The following PID1 variants were observed in gnomAD, a reference collection of about 807,000 sequenced individuals.
PID1 encodes the protein PTB-containing, cubilin and LRP1-interacting protein.
Under a neutral mutation model 19.1 loss-of-function variants are expected in PID1, and 10 were observed. That is an observed-to-expected ratio of 0.52 (90% CI 0.32 to 0.89). PID1 has a LOEUF of 0.89. Ranked by LOEUF, PID1 falls within the 40% of genes least tolerant of loss-of-function variation. The pLI is 0.03. For missense variants in PID1, 248 were observed against 285.3 expected (o/e 0.87, Z 0.94); for synonymous variants, 130 against 116.0 (o/e 1.12, Z -0.78).
At chr2:229,270,565 A>T (rs545448613) in intron 1 of PID1, among the ~76,000 whole-genome samples, 32 of 151,302 alleles carry the variant, frequency 2.1e-4, no homozygotes, top group Non-Finnish European at 4.1e-4. Flanking sequence ...ACCAAGCCAA[A>T]CCAAGCTTGA....
At chr2:229,122,941 G>A (rs540691795) in intron 2 of PID1, among the ~76,000 whole-genome samples, 10 of 152,146 alleles carry the variant, frequency 6.6e-5, no homozygotes, top group South Asian at 2.1e-4. Context: ...CCTCCCAGGC[G>A]GCATTATGTT....
intron 1 of PID1, chr2:229,232,074 A>G: frequency 7.9e-6 from 12 of 1,517,536 alleles, no homozygotes; most frequent in Non-Finnish European, 1.1e-5. Flanking sequence ...CCTCTTGTAC[A>G]AGGCTTTTCA....
At chr2:229,163,680 T>TGTGTGTGTGCGCAC (rs1365270238) in intron 1 of PID1, among the ~76,000 whole-genome samples, 2 of 103,714 alleles carry the variant, frequency 1.9e-5, no homozygotes, top group Non-Finnish European at 5.0e-5. Flanking sequence ...TGTGTGCGTG[T>TGTGTGTGTGCGCAC]GCGTGTGTGT....
chr2:229,230,735 G>C (rs1355452628), intron 1 of PID1, among the ~76,000 whole-genome samples: 2 of 152,060 alleles, frequency 1.3e-5, no homozygotes, highest in African/African-American at 4.8e-5. Flanking sequence ...TCAAATCACA[G>C]TCTACTTTTC....
chr2:229,108,083 A>G (rs1158799696), intron 2 of PID1, among the ~76,000 whole-genome samples: 1 of 129,302 alleles, frequency 7.7e-6, no homozygotes. Flanking sequence ...CTTGAAATTT[A>G]AAACAAGAAA....
intron 1 of PID1, among the ~76,000 whole-genome samples, chr2:229,186,866 C>T (rs1247746790): frequency 6.6e-6 from 1 of 152,178 alleles, no homozygotes; most frequent in South Asian, 2.1e-4. Context: ...AACTTTTATG[C>T]TCTGTTTCCC....
chr2:229,269,667 C>A (rs1249312251), intron 1 of PID1, among the ~76,000 whole-genome samples: 6 of 152,208 alleles, frequency 3.9e-5, no homozygotes, highest in African/African-American at 7.2e-5. Context: ...GGTGCCACTG[C>A]CAAAATATAT....
chr2:229,141,962 T>C (rs1462712056), intron 2 of PID1, among the ~76,000 whole-genome samples: 1 of 152,050 alleles, frequency 6.6e-6, no homozygotes, highest in Non-Finnish European at 1.5e-5. Flanking sequence ...TTTTATATTC[T>C]ACTAGCTGGA....
chr2:229,140,221 T>G (rs182621047), intron 2 of PID1, among the ~76,000 whole-genome samples: 57 of 152,290 alleles, frequency 3.7e-4, no homozygotes, highest in African/African-American at 1.3e-3. Context: ...TTACTAATGC[T>G]TAATACATAG....
In PID1 at chr2:229,031,544, T is replaced by G. The variant is rs530268608; in HGVS notation, c.178-5436A>C. Among the ~76,000 whole-genome samples the G allele has an allele frequency of 4.9e-4, 74 of 151,180 alleles. No homozygotes were observed. The East Asian group carries it at 0.014, about 29-fold the overall frequency. On this transcript the variant is annotated intron_variant, in intron 2 of 2. Transcript: ENST00000392055. ...CTGCACTCCAGCCTGGGAAACAGAG[T>G]GTGACCTTGTCTCAAAAAAGAAAAG... is the stretch of plus-strand genomic sequence containing the variant.
intron 2 of PID1, among the ~76,000 whole-genome samples, chr2:229,038,245 T>G (rs1693702456): frequency 6.6e-6 from 1 of 152,204 alleles, no homozygotes; most frequent in Non-Finnish European, 1.5e-5. Flanking sequence ...ACATGAATGT[T>G]CATAACTTTA....
chr2:229,232,415 A>G (rs2106268205), intron 1 of PID1, among the ~76,000 whole-genome samples: 1 of 126,486 alleles, frequency 7.9e-6, no homozygotes, highest in Non-Finnish European at 1.6e-5. Flanking sequence ...CTGGGTGACA[A>G]AGCAAGACTC....
At chr2:229,031,959 A>T (rs1269637616) in intron 2 of PID1, among the ~76,000 whole-genome samples, 1 of 152,200 alleles carries the variant, frequency 6.6e-6, no homozygotes, top group Non-Finnish European at 1.5e-5. Flanking sequence ...TCAAAAAGTG[A>T]ACTTCCCTCT....
chr2:229,236,205 T>G (rs1689665561), intron 1 of PID1: 1 of 152,118 alleles, frequency 6.6e-6, no homozygotes, highest in South Asian at 2.1e-4. Context: ...TGGGGTCAAT[T>G]CAGGTACAAA....
intron 2 of PID1, among the ~76,000 whole-genome samples, chr2:229,118,819 T>G (rs1390082250): frequency 6.6e-6 from 1 of 152,094 alleles, no homozygotes; most frequent in East Asian, 1.9e-4. Context: ...TGCTGTCTTT[T>G]TGAACAAGAG....
intron 1 of PID1, chr2:229,262,985 CA>C: frequency 1.6e-6 from 2 of 1,227,196 alleles, no homozygotes; most frequent in Non-Finnish European, 2.1e-6. Context: ...ACCTTATTTC[CA>C]AATAAAGCTA....
intron 2 of PID1, among the ~76,000 whole-genome samples, chr2:229,131,744 G>C (rs1030866707): frequency 6.6e-6 from 1 of 151,644 alleles, no homozygotes; most frequent in Non-Finnish European, 1.5e-5. Context: ...ATTTCAGCTT[G>C]AATAAATGAT....
intron 1 of PID1, among the ~76,000 whole-genome samples, chr2:229,190,639 T>C (rs1691241194): frequency 6.6e-6 from 1 of 152,264 alleles, no homozygotes; most frequent in Non-Finnish European, 1.5e-5. Context: ...TCGGTCTATC[T>C]ACAGCTCATA....
rs146671215 is a variant in PID1 at position 229,260,616 on chromosome 2, A to C, written c.30+10398T>G. Among the ~76,000 whole-genome samples the C allele has an allele frequency of 1.8e-3, 267 of 151,896 alleles. 1 individual carries two copies. The highest frequency in any genetic ancestry group is 6.1e-3 in the African/African-American group (251 of 41,470). Reference sequence around the variant, plus strand: ...AAGCCTGGGGAAAGTATGTGGAAAAATAACCACTAGATAGAAGGAAACCAT... The same window carrying C: ...AAGCCTGGGGAAAGTATGTGGAAAACTAACCACTAGATAGAAGGAAACCAT... On this transcript the variant is annotated intron_variant, in intron 1 of 2. Transcript: ENST00000392055.
Sources: allele counts gnomAD v4.1 joint callset (sites outside exome capture counted in the v4.1 genomes callset), GRCh38; gene constraint gnomAD v4.1.1; transcripts MANE v1.5; gene names NCBI Gene and HGNC (gene_info 2026-07-23, HGNC 2026-07-21).